The following ARHGEF40 variants were observed in gnomAD, a reference collection of about 807,000 sequenced individuals.
ARHGEF40 encodes the protein Rho guanine nucleotide exchange factor (GEF) 40.
A neutral mutation model predicts 165.9 loss-of-function variants in ARHGEF40; 98 were observed. That is an observed-to-expected ratio of 0.59 (90% CI 0.50 to 0.70). The LOEUF (loss-of-function observed/expected upper bound fraction) is 0.70. Among genes scored for constraint, ARHGEF40 ranks in the 30% least tolerant of loss-of-function variants. ARHGEF40 has a pLI of 0.00. For missense variants in ARHGEF40, 1,815 were observed against 1,968.0 expected (o/e 0.92, Z 1.47); for synonymous variants, 792 against 814.3 (o/e 0.97, Z 0.47).
rs773704607 is a variant in ARHGEF40, at chr14:21,074,886, G to A, written c.1156G>A (p.Ala386Thr). The part of the protein sequence containing the change: ...GKGNRRKKRA[A>T]GRGALSRGGD... ...AGGAAACAGAAGAAAGAAGCGAGCT[G>A]CAGGTCGAGGGGCTCTTAGCCGAGG... is the stretch of plus-strand genomic sequence containing the variant. The change falls in exon 3 of 24, where the codon GCA becomes ACA. Residue 386 changes from alanine (A) to threonine (T), a missense_variant. Coordinates refer to ENST00000298694, the MANE Select transcript of ARHGEF40 (RefSeq NM_018071.5). The surrounding 1 kb of genome is among the most constrained non-coding windows in gnomAD (Gnocchi z 4.8). 2 of 1,610,840 alleles carry A rather than the reference G, an allele frequency of 1.2e-6. No homozygotes were observed. Among genetic ancestry groups the A allele is most frequent in the East Asian group, 2.2e-5 (1 of 44,842 alleles).
chr14:21,080,636 G>T (rs1465388075), intron 11 of ARHGEF40, 24 bp from the exon 12 acceptor site: 2 of 1,599,252 alleles, frequency 1.3e-6, no homozygotes, highest in Admixed American at 3.4e-5. Flanking sequence ...ATGACCCCCT[G>T]CCCTCCCACC....
intron 19 of ARHGEF40, 26 bp downstream of exon 19, chr14:21,085,892 G>A: frequency 6.2e-7 from 1 of 1,611,236 alleles, no homozygotes; most frequent in East Asian, 2.2e-5. Context: ...GAGGAAGGGG[G>A]TGCTTGGAGT....
Position 21,081,840 on chromosome 14 carries a change from C to T in ARHGEF40, c.2972C>T (p.Ser991Phe), listed in dbSNP as rs1167118016. 2 of 1,610,968 alleles carry T rather than the reference C, an allele frequency of 1.2e-6. No homozygotes were observed. The highest frequency in any genetic ancestry group is 1.7e-6 in the Non-Finnish European group (2 of 1,179,200). ...GPRSPSPSLS[S>F]LLLPSSPGPR... ...CGCAGCCCCTCGCCCAGCCTCAGCT[C>T]CTTGCTGCTCCCCAGCAGCCCTGGG... Residue 991 changes from serine to phenylalanine, a missense_variant, in exon 14 of 24, where the codon TCC becomes TTC. Coordinates refer to ENST00000298694, the MANE Select transcript of ARHGEF40 (RefSeq NM_018071.5).
At chr14:21,064,945 C>A in the ARHGEF40 span, among the ~76,000 whole-genome samples, 3 of 152,064 alleles carry the variant, frequency 2.0e-5, no homozygotes, top group Non-Finnish European at 4.4e-5. Context: ...CAGAGGCAGG[C>A]AGATCACCTG....
Position 21,070,423 on chromosome 14 carries a change from T to A in ARHGEF40, c.3+24T>A. 7.1e-7 allele frequency: 1 copy of A among 1,403,352 alleles called. No homozygotes were observed. The highest frequency in any genetic ancestry group is 9.2e-7 in the Non-Finnish European group (1 of 1,087,242). The allele number at this position is 1,403,352 out of a possible 1,614,324, so 86.9% of individuals were successfully genotyped here. A position where few individuals can be genotyped will look rare whatever the true frequency, so the allele number is the denominator to read the frequency against. On this transcript the variant is annotated intron_variant, in intron 1 of 23. Transcript: ENST00000298694. The surrounding 1 kb of genome is among the most constrained non-coding windows in gnomAD (Gnocchi z 4.7). ...TGGTGAGTCCAGCGTCGCAGCCCCCTGGGTCCCCTCGGCCTTCGCGCAGCC... is the reference window on the plus strand; with the variant it reads ...TGGTGAGTCCAGCGTCGCAGCCCCCAGGGTCCCCTCGGCCTTCGCGCAGCC...
chr14:21,077,693 T>G (rs1307873016), intron 8 of ARHGEF40, among the ~76,000 whole-genome samples: 1 of 152,236 alleles, frequency 6.6e-6, no homozygotes, highest in African/African-American at 2.4e-5. Context: ...AGCACTTATC[T>G]CATGTAATTC....
chr14:21,074,688 C>G lies in ARHGEF40; in HGVS notation c.958C>G (p.Pro320Ala). The G allele has an allele frequency of 6.3e-7, 1 of 1,582,288 alleles. No individual in the cohort carries two copies. The highest frequency in any genetic ancestry group is 8.6e-7 in the Non-Finnish European group (1 of 1,165,418). Reference sequence around the variant, plus strand: ...CACCGGAGCCTCCCCTGAGTCTCCCCCAGGAGCTGAGGCTGTCCCAGAGGC... The same window carrying G: ...CACCGGAGCCTCCCCTGAGTCTCCCGCAGGAGCTGAGGCTGTCCCAGAGGC... ...SSTGASPESP[P>A]GAEAVPEAAV... The change falls in exon 3 of 24, where the codon CCA becomes GCA. Residue 320 changes from proline to alanine, a missense_variant. By Grantham distance (27) the Pro-to-Ala change is conservative. Coordinates refer to ENST00000298694, the MANE Select transcript of ARHGEF40 (RefSeq NM_018071.5). The surrounding 1 kb of genome is among the most constrained non-coding windows in gnomAD (Gnocchi z 4.8).
In ARHGEF40 at chr14:21,075,311, T is replaced by C; in HGVS notation, c.1451-21T>C. 1 of 1,613,148 alleles carries C rather than the reference T, an allele frequency of 6.2e-7. No individual in the cohort carries two copies. Among genetic ancestry groups the C allele is most frequent in the Non-Finnish European group, 8.5e-7 (1 of 1,179,720 alleles). ...GAACCATCTTAACTTCAGTCCCATG[T>C]TTCTGTCTGTGTCTGTGCAGGACAC... is the stretch of plus-strand genomic sequence containing the variant. On this transcript the variant is annotated intron_variant, in intron 3 of 23. Coordinates refer to ENST00000298694, the MANE Select transcript of ARHGEF40 (RefSeq NM_018071.5). This position sits in a 1 kb window ranked among gnomAD's most constrained non-coding sequence, Gnocchi z 4.5.
In ARHGEF40 at chr14:21,082,095, G is replaced by C. The variant is rs747859875; in HGVS notation, c.3227G>C (p.Arg1076Pro). 7.7e-6 allele frequency: 12 copies of C among 1,562,162 alleles called. No individual in the cohort carries two copies. Among genetic ancestry groups the C allele is most frequent in the Non-Finnish European group, 8.7e-6 (10 of 1,153,310 alleles). ...GGACCCTGGGGAGTAGGCACCCCCC[G>C]GATGGAGCGCAAGCGAAGCATCAGG... ...PDGPWGVGTP[R>P]MERKRSISAQ... The change falls in exon 14 of 24, where the codon CGG becomes CCG. Residue 1076 changes from arginine (R) to proline (P), a missense_variant. Physicochemically the swap from Arg to Pro is moderately radical, Grantham distance 103. Transcript: ENST00000298694.
the ARHGEF40 span, among the ~76,000 whole-genome samples, chr14:21,065,042 G>A: frequency 1.3e-5 from 2 of 151,930 alleles, no homozygotes; most frequent in Non-Finnish European, 2.9e-5. Flanking sequence ...CTGGTGGCGG[G>A]TGCCTGTAAT....
rs748227540 is a variant in ARHGEF40, at chr14:21,081,625, C to T, written c.2757C>T (p.Phe919=). 32 of 1,610,496 alleles carry T rather than the reference C, an allele frequency of 2.0e-5. No individual in the cohort carries two copies. The highest frequency in any genetic ancestry group is 4.5e-5 in the East Asian group (2 of 44,828). ...RRAPEPSAGT[F]QEMRALALDL... The stretch of plus-strand genomic sequence containing the variant: ...CCCCAGAGCCCAGTGCCGGCACCTT[C>T]CAGGAGATGCGGGCCCTGGCCCTGG... The change falls in exon 14 of 24, where the codon TTC becomes TTT. Residue 919 remains phenylalanine (F), a synonymous_variant. Coordinates refer to ENST00000298694, the MANE Select transcript of ARHGEF40 (RefSeq NM_018071.5).
At position 21,076,414 on chromosome 14, in the gene ARHGEF40, T is replaced by C; in HGVS notation, c.1794T>C (p.Pro598=). ...TCCTGCTGGACCTTCGTCAGGCACC[T>C]CCACTGCCTCCAGCACTCATTCCTG... ...LSVLLDLRQA[P]PLPPALIPAL... The change falls in exon 6 of 24, where the codon CCT becomes CCC. Residue 598 remains proline (P), a synonymous_variant. Coordinates refer to ENST00000298694, the MANE Select transcript of ARHGEF40 (RefSeq NM_018071.5). 6.2e-7 allele frequency: 1 copy of C among 1,613,714 alleles called. No homozygotes were observed. Among genetic ancestry groups the C allele is most frequent in the East Asian group, 2.2e-5 (1 of 44,874 alleles).
chr14:21,089,260 AT>A lies in ARHGEF40; in HGVS notation c.*253del, dbSNP rs1362534538. ...TTCATACCCTGGAGGTGGGGAAGTTATCCCTCTTCCGGTGCTTTCCCATCCT... is the reference window on the plus strand; with the variant it reads ...TTCATACCCTGGAGGTGGGGAAGTTACCCTCTTCCGGTGCTTTCCCATCCT... On this transcript the variant is annotated 3_prime_UTR_variant, in exon 24 of 24. Transcript: ENST00000298694. The A allele has an allele frequency of 1.6e-5, 3 of 186,598 alleles. No individual in the cohort carries two copies. Among genetic ancestry groups the A allele is most frequent in the African/African-American group, 2.3e-5 (1 of 42,848 alleles). The allele number at this position is 186,598 out of a possible 1,614,324, so 11.6% of individuals were successfully genotyped here.
chr14:21,085,533 C>T (rs61978229), intron 18 of ARHGEF40, among the ~76,000 whole-genome samples, 156 bp from the exon 19 acceptor site: 5,938 of 152,296 alleles, frequency 0.039, 134 homozygotes, highest in South Asian at 0.087. Context: ...ATGTTTGTTA[C>T]GAAGACTAAA....
At position 21,085,835 on chromosome 14, in the gene ARHGEF40, G is replaced by C; in HGVS notation, c.4107G>C (p.Gln1369His). ...TCAAGTGGACAAGTTCTATTGCCCA[G>C]CTGCTGTGGAGACAGGCAGCCCACA... The part of the protein sequence containing the change: ...IKLKWTSSIA[Q>H]LLWRQAAHNK... The change falls in exon 19 of 24, where the codon CAG (glutamine) becomes CAC (histidine). Residue 1369 changes from glutamine (Q) to histidine (H), a missense_variant. Gln to His is a conservative substitution (Grantham distance 24, BLOSUM62 0). Coordinates refer to ENST00000298694, the MANE Select transcript of ARHGEF40 (RefSeq NM_018071.5). 1 of 1,614,100 alleles carries C rather than the reference G, an allele frequency of 6.2e-7. No homozygotes were observed. Among genetic ancestry groups the C allele is most frequent in the Non-Finnish European group, 8.5e-7 (1 of 1,180,038 alleles).
rs371889536 is a variant in ARHGEF40, at chr14:21,074,697, G to A, written c.967G>A (p.Glu323Lys). The part of the protein sequence containing the change: ...GASPESPPGA[E>K]AVPEAAVLEV... ...CTCCCCTGAGTCTCCCCCAGGAGCT[G>A]AGGCTGTCCCAGAGGCAGCAGTCTT... Residue 323 changes from glutamate to lysine, a missense_variant, in exon 3 of 24, where the codon GAG (glutamate) becomes AAG (lysine). Transcript: ENST00000298694. This position sits in a 1 kb window ranked among gnomAD's most constrained non-coding sequence, Gnocchi z 4.8. 16 of 1,589,134 alleles carry A rather than the reference G, an allele frequency of 1.0e-5. No homozygotes were observed. The African/African-American group carries it at 1.5e-4, about 15-fold the overall frequency.
intron 22 of ARHGEF40, 65 bp from the exon 23 acceptor site, chr14:21,088,764 TG>T (rs897921495): frequency 1.7e-5 from 26 of 1,511,984 alleles, no homozygotes; most frequent in Non-Finnish European, 2.3e-5. Context: ...TGGGGAGGAA[TG>T]GAGGAAAAGA....
intron 23 of ARHGEF40, 68 bp downstream of exon 23, chr14:21,088,944 G>A (rs1888614824): frequency 1.3e-6 from 2 of 1,512,482 alleles, no homozygotes; most frequent in Non-Finnish European, 9.1e-7. Flanking sequence ...CTTCCTTCCT[G>A]TCCCCGGCTA....
upstream of ARHGEF40, among the ~76,000 whole-genome samples, chr14:21,065,923 AC>A (rs1418258577): frequency 1.3e-5 from 2 of 152,170 alleles, no homozygotes; most frequent in East Asian, 1.9e-4. Flanking sequence ...ACATGGTGAA[AC>A]CCTGTCTTTA....
Sources: allele counts gnomAD v4.1 joint callset (sites outside exome capture counted in the v4.1 genomes callset), GRCh38; gene constraint gnomAD v4.1.1; non-coding constraint Gnocchi (gnomAD v3.1); transcripts MANE v1.5; gene names NCBI Gene and HGNC (gene_info 2026-07-23, HGNC 2026-07-21).